Variants in UBXN6 observed in about 807,000 individuals in gnomAD.
UBXN6 encodes the protein UBX domain-containing protein 6.
Under a neutral mutation model 51.4 loss-of-function variants are expected in UBXN6, and 44 were observed. The observed-to-expected ratio is 0.86, with a 90% CI of 0.67 to 1.10. The LOEUF (loss-of-function observed/expected upper bound fraction) is 1.10. Ranked by LOEUF, UBXN6 falls within the 50% of genes least tolerant of loss-of-function variation. The pLI, the probability that UBXN6 is intolerant of heterozygous loss-of-function variation, is 0.00. For missense variants in UBXN6, 672 were observed against 596.1 expected, an observed-to-expected ratio of 1.13 and a Z score of -1.32; for synonymous variants, 316 against 263.2, an observed-to-expected ratio of 1.20 and a Z score of -1.94.
Position 4,448,424 on chromosome 19 carries a change from A to C in UBXN6, c.442-9T>G, listed in dbSNP as rs1320745869. The C allele has an allele frequency of 2.5e-6, 4 of 1,596,898 alleles. No individual in the cohort carries two copies. Among genetic ancestry groups the C allele is most frequent in the Non-Finnish European group, 3.4e-6 (4 of 1,172,458 alleles). On this transcript the variant is annotated splice_polypyrimidine_tract_variant and intron_variant, in intron 4 of 10. Coordinates refer to ENST00000301281, the MANE Select transcript of UBXN6 (RefSeq NM_025241.3). The stretch of plus-strand genomic sequence containing the variant: ...GGGTCGGTGGAGAAGTGCTGGGAGG[A>C]GGGAAGCAGGGAAAGCCACTCACTG...
In UBXN6 at chr19:4,447,335, G is replaced by A. The variant is rs1974555580; in HGVS notation, c.615+215C>T. The A allele has an allele frequency of 4.9e-5, 29 of 593,612 alleles. No homozygotes were observed. In the South Asian group the frequency reaches 5.3e-4, roughly 11 times the overall value. The allele number at this position is 593,612 out of a possible 1,614,324, so 36.8% of individuals were successfully genotyped here. A position where few individuals can be genotyped will look rare whatever the true frequency, so the allele number is the denominator to read the frequency against. ...GAGGAAAAGGATGCAGGTGAGGAGA[G>A]GCAGAATTTGTTGATTTGGGGTGAC... On this transcript the variant is annotated intron_variant, in intron 6 of 10. Transcript: ENST00000301281.
At chr19:4,452,214 TG>T in intron 4 of UBXN6, 149 bp downstream of exon 4, 1 of 1,099,138 alleles carries the variant, frequency 9.1e-7, no homozygotes, top group Non-Finnish European at 1.3e-6. Context: ...ATGGTGTGCC[TG>T]GATTTGGGGT....
In UBXN6 at chr19:4,446,928, T is replaced by C. The variant is rs747172947; in HGVS notation, c.616-8A>G. Reference sequence around the variant, plus strand: ...CAGGCAGTTAATGCGCTCCTGGGGGTGGAGATGGGCGTCACTGGGGGCCCC... The same window carrying C: ...CAGGCAGTTAATGCGCTCCTGGGGGCGGAGATGGGCGTCACTGGGGGCCCC... On this transcript the variant is annotated splice_polypyrimidine_tract_variant and splice_region_variant and intron_variant, in intron 6 of 10. Transcript: ENST00000301281. 5 of 1,612,882 alleles carry C rather than the reference T, an allele frequency of 3.1e-6. No individual in the cohort carries two copies. The East Asian group carries it at 6.7e-5, about 22-fold the overall frequency.
chr19:4,452,884 C>T (rs1568192659), intron 3 of UBXN6, among the ~76,000 whole-genome samples: 1 of 152,224 alleles, frequency 6.6e-6, no homozygotes, highest in African/African-American at 2.4e-5. Context: ...GCCTCCATTT[C>T]TAGGCCATCT....
At chr19:4,447,026 G>A (rs1393092197) in intron 6 of UBXN6, 106 bp from the exon 7 acceptor site, 11 of 1,168,928 alleles carry the variant, frequency 9.4e-6, no homozygotes, top group South Asian at 4.0e-5. Flanking sequence ...AGCAGCTGTC[G>A]ACCCCTGGAT....
intron 5 of UBXN6, 85 bp downstream of exon 5, chr19:4,448,233 G>T (rs1974579667): frequency 2.4e-6 from 3 of 1,242,928 alleles, no homozygotes; most frequent in Non-Finnish European, 3.4e-6. Flanking sequence ...GGTAATGAGG[G>T]GGCCAGAGGG....
chr19:4,448,185 C>T (rs59106361), intron 5 of UBXN6, 133 bp downstream of exon 5: 4 of 778,680 alleles, frequency 5.1e-6, no homozygotes, highest in African/African-American at 3.4e-5. Context: ...GGAGCTGCCT[C>T]ACTCTCGGCC....
chr19:4,446,011 G>T (rs1400076330), intron 10 of UBXN6, 38 bp downstream of exon 10: 1 of 1,571,544 alleles, frequency 6.4e-7, no homozygotes, highest in East Asian at 2.3e-5. Flanking sequence ...ACCTGCAGAG[G>T]CATCGGGTCA....
chr19:4,453,921 A>G lies in UBXN6; in HGVS notation c.247+9T>C. 1 of 1,608,550 alleles carries G rather than the reference A, an allele frequency of 6.2e-7. No individual in the cohort carries two copies. The highest frequency in any genetic ancestry group is 8.5e-7 in the Non-Finnish European group (1 of 1,179,716). ...CCCCAACCTGGGCCCGAGGAGGGCC[A>G]TATCTCACCCTGGTTTCGGATGGTG... On this transcript the variant is annotated intron_variant, in intron 2 of 10. Transcript: ENST00000301281.
chr19:4,448,326 G>C lies in UBXN6; in HGVS notation c.531C>G (p.Thr177=). 6.2e-7 allele frequency: 1 copy of C among 1,606,504 alleles called. No homozygotes were observed. Among genetic ancestry groups the C allele is most frequent in the Non-Finnish European group, 8.5e-7 (1 of 1,177,306 alleles). ...AGGGGCCACACGCTCACTTGGCAATGGTGTCCACACCCAGCTTCACCCGGT... is the reference window on the plus strand; with the variant it reads ...AGGGGCCACACGCTCACTTGGCAATCGTGTCCACACCCAGCTTCACCCGGT... ...DQDRVKLGVD[T]IAKYLDNIHL... is the part of the protein sequence containing the mutation. Residue 177 remains threonine (T), a synonymous_variant, in exon 5 of 11, where the codon ACC becomes ACG. Transcript: ENST00000301281.
chr19:4,457,718 C>T lies in UBXN6; in HGVS notation c.-21G>A. The stretch of plus-strand genomic sequence containing the variant: ...TTCATGGTGGCGGCTGGCCCGGCGG[C>T]GGGGGGCCGCGGGGGCGGGGGGGCA... On this transcript the variant is annotated 5_prime_UTR_variant, in exon 1 of 11. Transcript: ENST00000301281. The T allele has an allele frequency of 3.1e-6, 4 of 1,304,964 alleles. No homozygotes were observed. The highest frequency in any genetic ancestry group is 4.0e-6 in the Non-Finnish European group (4 of 1,006,162). The allele number at this position is 1,304,964 out of a possible 1,614,324, so 80.8% of individuals were successfully genotyped here. A position where few individuals can be genotyped will look rare whatever the true frequency, so the allele number is the denominator to read the frequency against.
chr19:4,445,289 G>T lies in UBXN6; in HGVS notation c.*209C>A. 1 of 749,084 alleles carries T rather than the reference G, an allele frequency of 1.3e-6. No homozygotes were observed. Among genetic ancestry groups the T allele is most frequent in the South Asian group, 1.7e-5 (1 of 57,768 alleles). 46.4% of individuals were successfully genotyped at this position (749,084 alleles called of 1,614,324 possible). On this transcript the variant is annotated 3_prime_UTR_variant, in exon 11 of 11. Transcript: ENST00000301281. ...GTTGGTGTCCCCAGGCCTCTCCCTCGGGGGCTTGGGCGCATCCCCACAGCC... is the reference window on the plus strand; with the variant it reads ...GTTGGTGTCCCCAGGCCTCTCCCTCTGGGGCTTGGGCGCATCCCCACAGCC...
chr19:4,453,328 G>C (rs411833), intron 3 of UBXN6, 130 bp downstream of exon 3: 565,866 of 1,024,286 alleles, frequency 0.55, 159,744 homozygotes, highest in Admixed American at 0.74. Flanking sequence ...CACAACCTGT[G>C]TCCACCTTGC....
At chr19:4,457,533 C>T in intron 1 of UBXN6, 82 bp downstream of exon 1, 2 of 1,294,206 alleles carry the variant, frequency 1.5e-6, no homozygotes, top group Non-Finnish European at 2.1e-6. Context: ...TCTCCGATCT[C>T]CCGAGCCGCC....
chr19:4,446,973 G>C, intron 6 of UBXN6, 53 bp from the exon 7 acceptor site: 1 of 1,564,892 alleles, frequency 6.4e-7, no homozygotes, highest in Non-Finnish European at 8.8e-7. Context: ...CCATGGCCTG[G>C]CCACACCCCA....
intron 1 of UBXN6, chr19:4,455,338 G>A (rs549666379): frequency 2.5e-5 from 24 of 977,092 alleles, no homozygotes; most frequent in Middle Eastern, 5.3e-4. Context: ...CTCCCTCCTC[G>A]TCCCACCCCT....
chr19:4,456,890 A>T (rs1342905900), intron 1 of UBXN6, among the ~76,000 whole-genome samples: 1 of 151,366 alleles, frequency 6.6e-6, no homozygotes, highest in African/African-American at 2.4e-5. Context: ...CACTCTCCTC[A>T]CACACCTTCC....
At chr19:4,456,285 C>T (rs1053966663) in intron 1 of UBXN6, among the ~76,000 whole-genome samples, 1 of 149,880 alleles carries the variant, frequency 6.7e-6, no homozygotes, top group Non-Finnish European at 1.5e-5. Flanking sequence ...TCCCTGACCC[C>T]TCTCCCTCCC....
chr19:4,447,988 G>A lies in UBXN6; in HGVS notation c.539+330C>T, dbSNP rs573045333. ...TGCGGGGTGCTCCCTCGGCGTTGGC[G>A]GGCAGCGTGGACCTCCAGGCCTGCC... On this transcript the variant is annotated intron_variant, in intron 5 of 10. Coordinates refer to ENST00000301281, the MANE Select transcript of UBXN6 (RefSeq NM_025241.3). 199 of 507,666 alleles carry A rather than the reference G, an allele frequency of 3.9e-4. 1 individual carries two copies. Among genetic ancestry groups the A allele is most frequent in the Middle Eastern group, 5.4e-4 (1 of 1,848 alleles). The allele number at this position is 507,666 out of a possible 1,614,324, so 31.4% of individuals were successfully genotyped here.
Sources: allele counts gnomAD v4.1 joint callset (sites outside exome capture counted in the v4.1 genomes callset), GRCh38; gene constraint gnomAD v4.1.1; transcripts MANE v1.5; gene names NCBI Gene and HGNC (gene_info 2026-07-23, HGNC 2026-07-21).